Variants in EXTL3 observed in about 807,000 individuals in gnomAD.
The protein encoded by EXTL3 is exostosin like glycosyltransferase 3, also known as exostosin-like 3.
A neutral mutation model predicts 69.3 loss-of-function variants in EXTL3; 27 were observed. The ratio of observed to expected loss-of-function variants is 0.39; its 90% CI spans 0.29 to 0.54. The LOEUF (loss-of-function observed/expected upper bound fraction) is 0.54. EXTL3 is among the 20% of genes least tolerant of loss of function. The pLI is 0.69. For synonymous variants in EXTL3, 511 were observed against 499.4 expected, an observed-to-expected ratio of 1.02 and a Z score of -0.31; for missense variants, 1,003 against 1,231.8, an observed-to-expected ratio of 0.81 and a Z score of 2.78.
At chr8:28,610,665 C>G (rs1806259666) in intron 2 of EXTL3, among the ~76,000 whole-genome samples, 1 of 152,092 alleles carries the variant, frequency 6.6e-6, no homozygotes, top group South Asian at 2.1e-4. Flanking sequence ...TCTTACTTTC[C>G]CCACTTGACA....
Position 28,716,234 on chromosome 8 carries a change from G to A in EXTL3, c.175G>A (p.Glu59Lys), listed in dbSNP as rs1801142354. ...CCTCACCACTCTGGATGAGGCTGAT[G>A]AGGCAGGCAAGCGGATTTTTGGTCC... ...YYLTTLDEAD[E>K]AGKRIFGPRV... The change falls in exon 3 of 7, where the codon GAG becomes AAG. Residue 59 changes from glutamate (E) to lysine (K), a missense_variant. Physicochemically the swap from Glu to Lys is moderately conservative, Grantham distance 56. Transcript: ENST00000220562. This position sits in a 1 kb window ranked among gnomAD's most constrained non-coding sequence, Gnocchi z 7.1. 6.2e-7 allele frequency: 1 copy of A among 1,614,118 alleles called. No homozygotes were observed. Among genetic ancestry groups the A allele is most frequent in the African/African-American group, 1.3e-5 (1 of 74,940 alleles).
chr8:28,670,494 G>T (rs553924736), intron 1 of EXTL3, among the ~76,000 whole-genome samples: 1 of 152,118 alleles, frequency 6.6e-6, no homozygotes, highest in African/African-American at 2.4e-5. Context: ...ATTCTAGTTC[G>T]AAAACCAGCA....
chr8:28,676,786 G>A lies in EXTL3; in HGVS notation c.-52-36671G>A, dbSNP rs183362585. 1.7e-3 allele frequency among the ~76,000 whole-genome samples: 266 copies of A among 152,280 alleles called. 1 individual carries two copies. The highest frequency in any genetic ancestry group is 5.8e-3 in the African/African-American group (242 of 41,560). On this transcript the variant is annotated intron_variant, in intron 1 of 6. Coordinates refer to the EXTL3 transcript ENST00000523149. ...AAGTGGTGACCAGAGACAGGAAGTAGAGGCAGTGCTTCTCAGACCCCCGTG... is the reference window on the plus strand; with the variant it reads ...AAGTGGTGACCAGAGACAGGAAGTAAAGGCAGTGCTTCTCAGACCCCCGTG...
intron 1 of EXTL3, among the ~76,000 whole-genome samples, chr8:28,632,475 T>C (rs1806583841): frequency 6.6e-6 from 1 of 151,890 alleles, no homozygotes; most frequent in Non-Finnish European, 1.5e-5. Context: ...ATAATAGTAA[T>C]AATAATGAGT....
At chr8:28,637,185 T>C (rs1806669683) in intron 1 of EXTL3, 1 of 152,188 alleles carries the variant, frequency 6.6e-6, no homozygotes. Context: ...ACTTCTAGAT[T>C]CCATTCTTTC....
intron 1 of EXTL3, among the ~76,000 whole-genome samples, chr8:28,712,703 C>G (rs1801055555): frequency 6.6e-6 from 1 of 152,178 alleles, no homozygotes; most frequent in Non-Finnish European, 1.5e-5. Context: ...ATGGATGATG[C>G]TTTTGCCTGG....
intron 1 of EXTL3, among the ~76,000 whole-genome samples, chr8:28,674,181 G>A (rs902864276): frequency 6.6e-6 from 1 of 152,162 alleles, no homozygotes; most frequent in African/African-American, 2.4e-5. Flanking sequence ...TTAGGCTCAA[G>A]TGATCCTCCC....
upstream of EXTL3, chr8:28,697,387 GT>G (rs760587684): frequency 2.0e-5 from 3 of 152,224 alleles, no homozygotes; most frequent in Non-Finnish European, 4.4e-5. Context: ...TCTTACGGGA[GT>G]TTAAAATTTG....
chr8:28,730,868 C>T (rs1056808187), intron 3 of EXTL3, among the ~76,000 whole-genome samples: 2 of 152,158 alleles, frequency 1.3e-5, no homozygotes, highest in African/African-American at 4.8e-5. Context: ...GCTGGGAATT[C>T]CATAGCCATT....
At chr8:28,618,388 T>A (rs906748073), upstream of EXTL3, among the ~76,000 whole-genome samples, 2 of 151,952 alleles carry the variant, frequency 1.3e-5, no homozygotes, top group African/African-American at 4.8e-5. Flanking sequence ...CTGAGGGAAC[T>A]ATGGAAAAGA....
intron 6 of EXTL3, among the ~76,000 whole-genome samples, chr8:28,749,083 A>G (rs1330221690): frequency 2.0e-5 from 3 of 152,232 alleles, no homozygotes; most frequent in South Asian, 2.1e-4. Context: ...TCTTCACCTC[A>G]GGTCACATAG....
At chr8:28,743,237 G>T (rs755949585) in intron 6 of EXTL3, 23 bp downstream of exon 6, 1 of 1,613,416 alleles carries the variant, frequency 6.2e-7, no homozygotes, top group African/African-American at 1.3e-5. Flanking sequence ...CACTGGTGGG[G>T]CTGTGGATGC....
intron 4 of EXTL3, among the ~76,000 whole-genome samples, chr8:28,736,300 A>C (rs141057154): frequency 2.6e-5 from 4 of 152,284 alleles, no homozygotes; most frequent in African/African-American, 9.6e-5. Context: ...ACTCTGTTGA[A>C]ATAAAATCTT....
intron 2 of EXTL3, among the ~76,000 whole-genome samples, chr8:28,614,665 C>T (rs1304603280): frequency 6.6e-6 from 1 of 152,146 alleles, no homozygotes; most frequent in Non-Finnish European, 1.5e-5. Flanking sequence ...TCTCATATCT[C>T]CATTCAATGC....
Position 28,624,490 on chromosome 8 carries a change from G to A in EXTL3, c.-53+1680G>A, listed in dbSNP as rs1222186407. ...AGGTGGGAGGATCACTTGATCCTGG[G>A]AGGCAGAGGTTGCAGTGAACTGAGA... On this transcript the variant is annotated intron_variant, in intron 1 of 6. Coordinates refer to the EXTL3 transcript ENST00000523149. 2.0e-5 allele frequency among the ~76,000 whole-genome samples: 3 copies of A among 152,164 alleles called. No homozygotes were observed. In the East Asian group the frequency reaches 5.8e-4, roughly 29 times the overall value.
chr8:28,672,035 A>G (rs1046720139), intron 1 of EXTL3, among the ~76,000 whole-genome samples: 1 of 152,172 alleles, frequency 6.6e-6, no homozygotes, highest in Non-Finnish European at 1.5e-5. Context: ...TTACATACAC[A>G]GTTGATGTTT....
At chr8:28,737,102 A>G (rs1486446496) in intron 4 of EXTL3, among the ~76,000 whole-genome samples, 1 of 152,176 alleles carries the variant, frequency 6.6e-6, no homozygotes, top group East Asian at 1.9e-4. Context: ...GAGCCATCCC[A>G]CCAAGCCCTT....
At chr8:28,728,582 A>G (rs187324148) in intron 3 of EXTL3, among the ~76,000 whole-genome samples, 1 of 152,166 alleles carries the variant, frequency 6.6e-6, no homozygotes, top group African/African-American at 2.4e-5. Flanking sequence ...GCTGAGGTGA[A>G]GTCTTAAAGA....
At chr8:28,738,255 G>A (rs1479934359) in intron 5 of EXTL3, among the ~76,000 whole-genome samples, 1 of 152,010 alleles carries the variant, frequency 6.6e-6, no homozygotes, top group East Asian at 1.9e-4. Flanking sequence ...CTTCCATCCT[G>A]TAAAGTGGCC....
Sources: gnomAD v4.1 joint callset for allele counts (sites outside exome capture counted in the v4.1 genomes callset) on GRCh38, gnomAD v4.1.1 for gene constraint, Gnocchi (gnomAD v3.1) non-coding constraint, MANE v1.5 for transcripts, NCBI Gene and HGNC (gene_info 2026-07-23, HGNC 2026-07-21) for gene names.